NMNAT2: variants seen among roughly 807,000 people sequenced by gnomAD.
NMNAT2 encodes nicotinamide nucleotide adenylyltransferase 2, also known as nicotinamide/nicotinic acid mononucleotide adenylyltransferase 2.
Under a neutral mutation model 41.6 loss-of-function variants are expected in NMNAT2, and 11 were observed. That is an observed-to-expected ratio of 0.26 (90% confidence interval 0.17 to 0.44). The LOEUF (loss-of-function observed/expected upper bound fraction) is 0.44. Ranked by LOEUF, NMNAT2 falls within the 20% of genes least tolerant of loss-of-function variation. The pLI is 1.00. For missense variants in NMNAT2, 288 were observed against 407.7 expected (o/e 0.71, Z 2.53); for synonymous variants, 148 against 151.2 (o/e 0.98, Z 0.16).
chr1:183,322,052 T>A (rs192429892), intron 1 of NMNAT2, among the ~76,000 whole-genome samples: 3 of 152,248 alleles, frequency 2.0e-5, no homozygotes, highest in African/African-American at 4.8e-5. Context: ...TTGGAACACC[T>A]GGGCTCAAGT....
intron 1 of NMNAT2, among the ~76,000 whole-genome samples, chr1:183,343,887 C>T (rs1301110273): frequency 4.6e-5 from 7 of 152,196 alleles, no homozygotes; most frequent in Admixed American, 4.6e-4. Flanking sequence ...CCCTATCCAG[C>T]CTCTTATCCT....
intron 1 of NMNAT2, among the ~76,000 whole-genome samples, chr1:183,378,353 T>C (rs1307413301): frequency 1.3e-5 from 2 of 151,080 alleles, no homozygotes; most frequent in African/African-American, 4.9e-5. Flanking sequence ...AAGATTGCAT[T>C]ATTGCACTCC....
chr1:183,301,833 C>T (rs1415234312), intron 1 of NMNAT2, among the ~76,000 whole-genome samples: 1 of 152,240 alleles, frequency 6.6e-6, no homozygotes. Flanking sequence ...TCTACTCCTT[C>T]CTTCTAGGGA....
At chr1:183,304,265 T>C (rs1485923475) in intron 1 of NMNAT2, among the ~76,000 whole-genome samples, 1 of 152,078 alleles carries the variant, frequency 6.6e-6, no homozygotes, top group Non-Finnish European at 1.5e-5. Context: ...TTGCAGGTAA[T>C]GAAGAAAAGA....
At position 183,252,064 on chromosome 1, in the gene NMNAT2, C is replaced by T. The variant is rs201178145; in HGVS notation, c.*577G>A. 3.9e-5 allele frequency: 6 copies of T among 153,714 alleles called. No individual in the cohort carries two copies. The highest frequency in any genetic ancestry group is 1.4e-4 in the African/African-American group (6 of 41,402). The allele number at this position is 153,714 out of a possible 1,614,324, so 9.5% of individuals were successfully genotyped here. A position where few individuals can be genotyped will look rare whatever the true frequency, so the allele number is the denominator to read the frequency against. ...ATGTCCTATCAGAGGGGAAGTAATA[C>T]CACAGGAGCACATCAAGACTACAAA... On this transcript the variant is annotated 3_prime_UTR_variant, in exon 11 of 11. Coordinates refer to ENST00000287713, the MANE Select transcript of NMNAT2 (RefSeq NM_015039.4).
chr1:183,382,146 G>T (rs1663814371), intron 1 of NMNAT2, among the ~76,000 whole-genome samples: 1 of 152,256 alleles, frequency 6.6e-6, no homozygotes, highest in African/African-American at 2.4e-5. Flanking sequence ...ATGGTGGAAG[G>T]TGAGAGGAAA....
At chr1:183,359,504 C>G (rs891950048) in intron 1 of NMNAT2, among the ~76,000 whole-genome samples, 1 of 152,190 alleles carries the variant, frequency 6.6e-6, no homozygotes, top group African/African-American at 2.4e-5. Flanking sequence ...GTCTTCACCT[C>G]TTAAATTCTT....
intron 8 of NMNAT2, among the ~76,000 whole-genome samples, chr1:183,269,496 C>T (rs1660925483): frequency 6.6e-6 from 1 of 152,240 alleles, no homozygotes; most frequent in South Asian, 2.1e-4. Context: ...GAGTTTCCCT[C>T]CCAAACAGTG....
At chr1:183,340,219 G>A (rs1662765732) in intron 1 of NMNAT2, among the ~76,000 whole-genome samples, 2 of 152,140 alleles carry the variant, frequency 1.3e-5, no homozygotes, top group South Asian at 4.1e-4. Flanking sequence ...TCTCTCAACT[G>A]GCTTCCAGGG....
intron 10 of NMNAT2, among the ~76,000 whole-genome samples, chr1:183,255,384 T>G (rs1660489485): frequency 6.6e-6 from 1 of 152,312 alleles, no homozygotes; most frequent in African/African-American, 2.4e-5. Context: ...ATAATTGCTT[T>G]GGCTATTCAG....
At chr1:183,360,622 AG>A (rs747414742) in intron 1 of NMNAT2, among the ~76,000 whole-genome samples, 9 of 152,238 alleles carry the variant, frequency 5.9e-5, no homozygotes, top group Non-Finnish European at 4.4e-5. Context: ...AATGTCTGCC[AG>A]GTCATCTATT....
intron 1 of NMNAT2, among the ~76,000 whole-genome samples, chr1:183,389,994 C>T (rs1648424321): frequency 6.6e-6 from 1 of 151,698 alleles, no homozygotes; most frequent in Non-Finnish European, 1.5e-5. Flanking sequence ...TGCACCAAAG[C>T]TTTTACAGGA....
intron 1 of NMNAT2, among the ~76,000 whole-genome samples, chr1:183,322,687 C>G (rs985517169): frequency 6.6e-6 from 1 of 152,198 alleles, no homozygotes; most frequent in African/African-American, 2.4e-5. Context: ...GGAGCCTAAC[C>G]TCTTCCCCAT....
At position 183,367,336 on chromosome 1, in the gene NMNAT2, T is replaced by C. The variant is rs187836561; in HGVS notation, c.85+50847A>G. Among the ~76,000 whole-genome samples the C allele has an allele frequency of 3.9e-4, 60 of 152,250 alleles. 2 individuals carry two copies. The East Asian group carries it at 0.011, about 27-fold the overall frequency. ...AGTCAGGCATGGTGGCATGTGCCTG[T>C]AGTCCCAGCTACTTGGGAGGCTGAG... On this transcript the variant is annotated intron_variant, in intron 1 of 10. Coordinates refer to ENST00000287713, the MANE Select transcript of NMNAT2 (RefSeq NM_015039.4).
At chr1:183,277,420 T>C (rs1011989725) in intron 8 of NMNAT2, among the ~76,000 whole-genome samples, 2 of 149,586 alleles carry the variant, frequency 1.3e-5, no homozygotes, top group African/African-American at 2.5e-5. Flanking sequence ...GAGGCAGAGG[T>C]TGCAGTGACT....
intron 8 of NMNAT2, among the ~76,000 whole-genome samples, chr1:183,265,140 T>A (rs1660775606): frequency 6.9e-6 from 1 of 144,418 alleles, no homozygotes; most frequent in Non-Finnish European, 1.5e-5. Flanking sequence ...AAACTTAATA[T>A]GTCCATGAGC....
chr1:183,393,382 G>A lies in NMNAT2; in HGVS notation c.85+24801C>T, dbSNP rs1055652090. On this transcript the variant is annotated intron_variant, in intron 1 of 10. Transcript: ENST00000287713. ...AGAATGGTTAAACGCCCAGCTTCAA[G>A]GTCACCCAGATGATGAGTGCAAACT... Among the ~76,000 whole-genome samples, 9 of 152,134 alleles carry A rather than the reference G, an allele frequency of 5.9e-5. No homozygotes were observed. The East Asian group carries it at 9.6e-4, about 16-fold the overall frequency.
chr1:183,260,979 C>T, intron 10 of NMNAT2, 23 bp downstream of exon 10: 1 of 1,590,386 alleles, frequency 6.3e-7, no homozygotes, highest in Non-Finnish European at 8.6e-7. Context: ...ACTAAAGTCT[C>T]TCTGGCCATT....
chr1:183,301,969 C>T (rs1402668053), intron 1 of NMNAT2, among the ~76,000 whole-genome samples: 1 of 152,158 alleles, frequency 6.6e-6, no homozygotes, highest in African/African-American at 2.4e-5. Flanking sequence ...CCTGTATTTT[C>T]CCTGTTTGTA....
Sources: allele counts gnomAD v4.1 joint callset (sites outside exome capture counted in the v4.1 genomes callset), GRCh38; gene constraint gnomAD v4.1.1; transcripts MANE v1.5; gene names NCBI Gene and HGNC (gene_info 2026-07-23, HGNC 2026-07-21).